Variants in MGAM observed in about 807,000 individuals in gnomAD.
MGAM encodes alpha-1,4-glucosidase.
MGAM carries 253 observed loss-of-function variants against 358.8 expected under a neutral mutation model. The observed-to-expected ratio is 0.71, with a 90% CI of 0.64 to 0.78. The LOEUF is 0.78. Among genes scored for constraint, MGAM ranks in the 30% least tolerant of loss-of-function variants. The pLI, the probability that MGAM is intolerant of heterozygous loss-of-function variation, is 0.00. For synonymous variants in MGAM, 1,105 were observed against 1,227.1 expected, an observed-to-expected ratio of 0.90 and a Z score of 2.08; for missense variants, 3,080 against 3,432.6, an observed-to-expected ratio of 0.90 and a Z score of 2.57.
At position 142,027,197 on chromosome 7, in the gene MGAM, T is replaced by A; in HGVS notation, c.1065T>A (p.Thr355=). ...ILDFYVFLGN[T]PEQVVQEYLE... ...ACTTCTATGTGTTCTTGGGAAACAC[T>A]CCAGAGCAAGTTGTTCAAGAATATC... Residue 355 remains threonine, a synonymous_variant, in exon 9 of 71, where the codon ACT becomes ACA. Coordinates refer to ENST00000475668, the MANE Select transcript of MGAM (RefSeq NM_001365693.1). 6.2e-7 allele frequency: 1 copy of A among 1,613,368 alleles called. No individual in the cohort carries two copies.
chr7:142,040,931 G>A, intron 21 of MGAM, 85 bp downstream of exon 21: 1 of 1,477,682 alleles, frequency 6.8e-7, no homozygotes, highest in Non-Finnish European at 9.1e-7. Flanking sequence ...CTAACAGCCA[G>A]GTGGTCAGCC....
At chr7:142,036,720 C>G (rs1808026295) in intron 17 of MGAM, 103 bp from the exon 18 acceptor site, 1 of 1,300,030 alleles carries the variant, frequency 7.7e-7, no homozygotes, top group Non-Finnish European at 1.1e-6. Context: ...CTCTGTCATT[C>G]AGGAGGGAAA....
rs946602544 is a variant in MGAM at position 142,102,742 on chromosome 7, G to C, written c.8013+63G>C. On this transcript the variant is annotated intron_variant, in intron 69 of 70. Coordinates refer to ENST00000475668, the MANE Select transcript of MGAM (RefSeq NM_001365693.1). ...CTGGCTTAGGAGGGTGCTGAATATCGTAAGGGCATAAAATACCACCTAGAA... is the reference window on the plus strand; with the variant it reads ...CTGGCTTAGGAGGGTGCTGAATATCCTAAGGGCATAAAATACCACCTAGAA... 7 of 1,469,982 alleles carry C rather than the reference G, an allele frequency of 4.8e-6. No homozygotes were observed. The African/African-American group carries it at 5.6e-5, about 12-fold the overall frequency. 91.1% of individuals were successfully genotyped at this position (1,469,982 alleles called of 1,614,324 possible).
intron 22 of MGAM, among the ~76,000 whole-genome samples, chr7:142,048,080 A>T (rs1048609408): frequency 2.6e-5 from 4 of 152,050 alleles, no homozygotes; most frequent in African/African-American, 9.7e-5. Flanking sequence ...ATCTCTGGCA[A>T]TTCTCCTATT....
At chr7:142,029,412 A>C (rs1320021776) in intron 10 of MGAM, among the ~76,000 whole-genome samples, 1 of 152,144 alleles carries the variant, frequency 6.6e-6, no homozygotes, top group Non-Finnish European at 1.5e-5. Context: ...TAATATTAGA[A>C]AACTAGGGGA....
Position 142,030,546 on chromosome 7 carries a change from C to T in MGAM, c.1353+53C>T, listed in dbSNP as rs564959498. 2,280 of 1,609,886 alleles carry T rather than the reference C, an allele frequency of 1.4e-3. 55 individuals carry two copies. In the South Asian group the frequency reaches 0.022, roughly 16 times the overall value. On this transcript the variant is annotated intron_variant, in intron 11 of 70. Transcript: ENST00000475668. ...TAGGTATTTGCTCCTCCGTATCATA[C>T]ACCCATCTCTCCTGCTTTCTCCCCC...
chr7:142,060,047 G>T (rs575087643), intron 33 of MGAM, 81 bp downstream of exon 33: 3 of 1,372,306 alleles, frequency 2.2e-6, no homozygotes, highest in Admixed American at 4.3e-5. Context: ...TGGGTCACAC[G>T]CCTGTGTATG....
In MGAM at chr7:142,058,310, G is replaced by A; in HGVS notation, c.3801G>A (p.Val1267=). ...TCGCCAGCTTGTATGATGAGATGGT[G>A]GCTGCCCAGATCCCTTATGTACGTT... is the stretch of plus-strand genomic sequence containing the variant. ...SEIASLYDEM[V]AAQIPYDVQY... The change falls in exon 31 of 71, where the codon GTG becomes GTA. Residue 1267 remains valine, a synonymous_variant. Transcript: ENST00000475668. 6.2e-7 allele frequency: 1 copy of A among 1,613,890 alleles called. No individual in the cohort carries two copies. The highest frequency in any genetic ancestry group is 8.5e-7 in the Non-Finnish European group (1 of 1,179,818).
At chr7:142,100,449 A>G (rs964349164) in intron 67 of MGAM, among the ~76,000 whole-genome samples, 5 of 152,242 alleles carry the variant, frequency 3.3e-5, no homozygotes, top group Admixed American at 2.6e-4. Context: ...AGGACATTTG[A>G]AAATAGAACT....
At chr7:142,000,827 T>G (rs1168956813) in intron 1 of MGAM, among the ~76,000 whole-genome samples, 2 of 152,176 alleles carry the variant, frequency 1.3e-5, no homozygotes, top group African/African-American at 4.8e-5. Flanking sequence ...TTACCAAGTC[T>G]TCATTGAGCA....
Position 142,034,326 on chromosome 7 carries a change from G to A in MGAM, c.1734G>A (p.Lys578=), listed in dbSNP as rs1554464965. ...LCMDAVQHWG[K]QYDIHNLYGY... ...TGGATGCAGTGCAGCACTGGGGCAAGCAGTATGACATTCACAATCTGTATG... is the reference window on the plus strand; with the variant it reads ...TGGATGCAGTGCAGCACTGGGGCAAACAGTATGACATTCACAATCTGTATG... Residue 578 remains lysine (K), a synonymous_variant, in exon 15 of 71, where the codon AAG becomes AAA. Coordinates refer to ENST00000475668, the MANE Select transcript of MGAM (RefSeq NM_001365693.1). The A allele has an allele frequency of 2.5e-6, 4 of 1,598,122 alleles. No individual in the cohort carries two copies. The highest frequency in any genetic ancestry group is 2.3e-5 in the South Asian group (2 of 88,026).
chr7:142,061,021 G>T (rs1025293125), intron 34 of MGAM, among the ~76,000 whole-genome samples: 1 of 152,002 alleles, frequency 6.6e-6, no homozygotes. Flanking sequence ...TTTTTTTCCC[G>T]ATTGACTAAG....
chr7:142,044,189 TATA>T lies in MGAM; in HGVS notation c.2498+3347_2498+3349del, dbSNP rs1809608442. 3.6e-5 allele frequency among the ~76,000 whole-genome samples: 5 copies of T among 138,160 alleles called. No individual in the cohort carries two copies. In the South Asian group the frequency reaches 1.1e-3, roughly 30 times the overall value. The allele number at this position is 138,160 out of a possible 152,430, so 90.6% of individuals were successfully genotyped here. ...ATATACATTATATACACATACGACA[TATA>T]ATATATAATATATACATTATATACA... On this transcript the variant is annotated intron_variant, in intron 21 of 70. Coordinates refer to ENST00000475668, the MANE Select transcript of MGAM (RefSeq NM_001365693.1).
At chr7:142,043,806 T>C (rs1372887212) in intron 21 of MGAM, among the ~76,000 whole-genome samples, 3 of 94,660 alleles carry the variant, frequency 3.2e-5, no homozygotes, top group African/African-American at 8.9e-5. Context: ...ATATACATTA[T>C]ATACACATAC....
In MGAM at chr7:142,083,309, T is replaced by G. The variant is rs1355939168; in HGVS notation, c.6277T>G (p.Phe2093Val). The stretch of plus-strand genomic sequence containing the variant: ...TTTTTCTTCATTTTCAGATGTGACG[T>G]TCCAGCCCCTGCCTGCCTTGACATA... ...LLNSNAMDVTFQPLPALTYRT... is the reference protein window; with the variant it reads ...LLNSNAMDVTVQPLPALTYRT... Residue 2093 changes from phenylalanine to valine, a missense_variant, in exon 53 of 71, where the codon TTC becomes GTC. Phe to Val is a conservative substitution (Grantham distance 50). This residue lies in a region of MGAM where 932 missense variants were observed against 1,198.2 expected (regional missense o/e 0.78). Coordinates refer to ENST00000475668, the MANE Select transcript of MGAM (RefSeq NM_001365693.1). The G allele has an allele frequency of 2.6e-6, 4 of 1,550,842 alleles. 1 individual carries two copies.
At chr7:142,038,485 A>G in intron 18 of MGAM, 46 bp from the exon 19 acceptor site, 1 of 1,433,426 alleles carries the variant, frequency 7.0e-7, no homozygotes, top group Non-Finnish European at 9.7e-7. Context: ...TACAAATCTC[A>G]TTGGCAGTGG....
Position 142,076,453 on chromosome 7 carries a change from T to A in MGAM, c.5325+201T>A, listed in dbSNP as rs764263129. The A allele has an allele frequency of 1.1e-5, 9 of 855,750 alleles. 1 individual carries two copies. The highest frequency in any genetic ancestry group is 1.5e-5 in the Non-Finnish European group (8 of 518,720). 53.0% of individuals were successfully genotyped at this position (855,750 alleles called of 1,614,324 possible). A position where few individuals can be genotyped will look rare whatever the true frequency, so the allele number is the denominator to read the frequency against. On this transcript the variant is annotated intron_variant, in intron 46 of 70. Coordinates refer to ENST00000475668, the MANE Select transcript of MGAM (RefSeq NM_001365693.1). ...AAGTAGTGTTTCTAAATATAGTTTT[T>A]AATTATCTGTGTGTTTTTATGATTG...
intron 21 of MGAM, among the ~76,000 whole-genome samples, chr7:142,044,286 A>G (rs189336384): frequency 1.0e-5 from 1 of 95,878 alleles, no homozygotes; most frequent in African/African-American, 2.9e-5. Flanking sequence ...TACACATACG[A>G]CATATAATAT....
In MGAM at chr7:142,065,962, TG is replaced by T. The variant is rs1812710731; in HGVS notation, c.4770+132del. On this transcript the variant is annotated intron_variant, in intron 40 of 70. Transcript: ENST00000475668. The stretch of plus-strand genomic sequence containing the variant: ...AAAGGTGTTTTTTTTTGTTTTGTTT[TG>T]TTTTGTTTTTTTTTTTGAAACAGGG... The T allele has an allele frequency of 7.7e-6, 6 of 779,608 alleles. No individual in the cohort carries two copies. The African/African-American group carries it at 1.3e-4, about 17-fold the overall frequency. The allele number at this position is 779,608 out of a possible 1,614,324, so 48.3% of individuals were successfully genotyped here. A position where few individuals can be genotyped will look rare whatever the true frequency, so the allele number is the denominator to read the frequency against.
Sources: gnomAD v4.1 joint callset for allele counts (sites outside exome capture counted in the v4.1 genomes callset) on GRCh38, gnomAD v4.1.1 for gene constraint, gnomAD v4.1.1 regional missense constraint, MANE v1.5 for transcripts, NCBI Gene and HGNC (gene_info 2026-07-23, HGNC 2026-07-21) for gene names.